The following PPP1R37 variants were observed in gnomAD, a reference collection of about 807,000 sequenced individuals.
The protein encoded by PPP1R37 is protein phosphatase 1 regulatory subunit 37.
In PPP1R37, 21 loss-of-function variants were observed where a neutral mutation model predicts 61.0. The observed-to-expected ratio is 0.34, with a 90% CI of 0.24 to 0.50. PPP1R37 has a LOEUF of 0.50. PPP1R37 is among the 20% of genes least tolerant of loss of function. The pLI is 0.98. For missense variants in PPP1R37, 910 were observed against 952.7 expected (o/e 0.96, Z 0.59); for synonymous variants, 443 against 433.5 (o/e 1.02, Z -0.27).
At chr19:45,113,766 C>A (rs765956111) in intron 1 of PPP1R37, among the ~76,000 whole-genome samples, 1 of 152,212 alleles carries the variant, frequency 6.6e-6, no homozygotes. Context: ...GTTCTCTCCG[C>A]CCCCTCACCA....
chr19:45,143,418 C>T lies in PPP1R37; in HGVS notation c.875-103C>T, dbSNP rs937072575. 5.1e-5 allele frequency: 34 copies of T among 662,394 alleles called. No individual in the cohort carries two copies. In the African/African-American group the frequency reaches 5.6e-4, roughly 11 times the overall value. 41.0% of individuals were successfully genotyped at this position (662,394 alleles called of 1,614,324 possible). A position where few individuals can be genotyped will look rare whatever the true frequency, so the allele number is the denominator to read the frequency against. On this transcript the variant is annotated intron_variant, in intron 7 of 12. Transcript: ENST00000221462. ...AGGGCAAGGCCTGGGACTGCGGGGC[C>T]TCCATGGAGGTCCTAAGCAGAGGGG...
In PPP1R37 at chr19:45,143,613, G is replaced by A. The variant is rs1176661016; in HGVS notation, c.967G>A (p.Ala323Thr). 6.5e-7 allele frequency: 1 copy of A among 1,533,816 alleles called. No individual in the cohort carries two copies. Among genetic ancestry groups the A allele is most frequent in the Non-Finnish European group, 8.7e-7 (1 of 1,144,984 alleles). Residue 323 changes from alanine to threonine, a missense_variant, in exon 8 of 13, where the codon GCC (alanine) becomes ACC (threonine). Physicochemically the swap from Ala to Thr is moderately conservative, Grantham distance 58. This residue lies in a region of PPP1R37 where 280 missense variants were observed against 382.2 expected (regional missense o/e 0.73). Coordinates refer to ENST00000221462, the MANE Select transcript of PPP1R37 (RefSeq NM_019121.2). The stretch of plus-strand genomic sequence containing the variant: ...CAACCAGCTCACGCACACAGGCATG[G>A]CCTTCCTGGGCATGACACTGGTGAG... ...WNNQLTHTGM[A>T]FLGMTLPHTQ...
chr19:45,139,799 G>A (rs991166473), intron 2 of PPP1R37, among the ~76,000 whole-genome samples: 1 of 152,240 alleles, frequency 6.6e-6, no homozygotes, highest in Non-Finnish European at 1.5e-5. Context: ...TGGCATCTGC[G>A]GGACGGTGGG....
At chr19:45,103,809 CAG>C (rs953857914) in intron 1 of PPP1R37, among the ~76,000 whole-genome samples, 2 of 151,768 alleles carry the variant, frequency 1.3e-5, no homozygotes, top group Non-Finnish European at 2.9e-5. Context: ...GAGGAGGAAA[CAG>C]GCTCACAGAG....
At chr19:45,143,995 C>T in intron 8 of PPP1R37, 1 of 164,184 alleles carries the variant, frequency 6.1e-6, no homozygotes. Context: ...GCCCGCCACC[C>T]CGCCTAGCCA....
chr19:45,146,321 G>T, intron 11 of PPP1R37, 69 bp from the exon 12 acceptor site: 1 of 1,424,060 alleles, frequency 7.0e-7, no homozygotes, highest in Non-Finnish European at 9.5e-7. Flanking sequence ...TCTGGCTGGG[G>T]CCGGGCTGGG....
At chr19:45,102,136 C>G (rs771509282) in intron 1 of PPP1R37, among the ~76,000 whole-genome samples, 2 of 152,256 alleles carry the variant, frequency 1.3e-5, no homozygotes, top group Non-Finnish European at 2.9e-5. Context: ...TTCACCTCCA[C>G]AGTCCCTTCA....
At chr19:45,139,150 C>T (rs1320312703) in intron 2 of PPP1R37, among the ~76,000 whole-genome samples, 1 of 152,174 alleles carries the variant, frequency 6.6e-6, no homozygotes, top group African/African-American at 2.4e-5. Flanking sequence ...CTCCTGACCT[C>T]AGGTGATCTG....
At chr19:45,140,878 C>A (rs893756706) in intron 4 of PPP1R37, among the ~76,000 whole-genome samples, 1 of 152,140 alleles carries the variant, frequency 6.6e-6, no homozygotes, top group African/African-American at 2.4e-5. Context: ...CCCCAGGAGC[C>A]CTTTCAGGAA....
intron 1 of PPP1R37, among the ~76,000 whole-genome samples, chr19:45,097,096 C>T (rs753260621): frequency 1.3e-5 from 2 of 151,788 alleles, no homozygotes; most frequent in Non-Finnish European, 2.9e-5. Context: ...GAAGAGGAAT[C>T]GTGGTACAGA....
At chr19:45,105,283 C>T (rs557178717) in intron 1 of PPP1R37, among the ~76,000 whole-genome samples, 6 of 152,238 alleles carry the variant, frequency 3.9e-5, no homozygotes, top group South Asian at 2.1e-4. Flanking sequence ...GGTATCCCCC[C>T]GCCAGCCTGG....
At chr19:45,109,067 C>G (rs546208733) in intron 1 of PPP1R37, 3 of 152,244 alleles carry the variant, frequency 2.0e-5, no homozygotes, top group Admixed American at 6.5e-5. Flanking sequence ...CCACTGCGCC[C>G]GACCTAACCT....
At chr19:45,094,097 G>A (rs2122700927) in intron 1 of PPP1R37, among the ~76,000 whole-genome samples, 1 of 152,356 alleles carries the variant, frequency 6.6e-6, no homozygotes, top group South Asian at 2.1e-4. Flanking sequence ...AAGAGGAGCA[G>A]AGGTGGTGGT....
chr19:45,145,072 A>G, intron 9 of PPP1R37, 22 bp from the exon 10 acceptor site: 1 of 1,526,684 alleles, frequency 6.6e-7, no homozygotes, highest in Non-Finnish European at 8.8e-7. Context: ...GCCCGTGGCC[A>G]GCCCCTGCGG....
chr19:45,096,698 G>A (rs1225437470), intron 1 of PPP1R37, among the ~76,000 whole-genome samples: 2 of 152,136 alleles, frequency 1.3e-5, no homozygotes, highest in Non-Finnish European at 2.9e-5. Context: ...GTAAGGGGTA[G>A]AGTGGGTAAC....
intron 1 of PPP1R37, chr19:45,108,803 G>A (rs141054838): frequency 0.01 from 1,595 of 152,076 alleles, 13 homozygotes; most frequent in Non-Finnish European, 0.017. Flanking sequence ...CACCACACCC[G>A]GCTAATTTTG....
chr19:45,099,928 C>T (rs1168644153), intron 1 of PPP1R37: 2 of 152,246 alleles, frequency 1.3e-5, no homozygotes, highest in Non-Finnish European at 2.9e-5. Flanking sequence ...GAAGCTGGCC[C>T]CCAGCTGGCA....
At chr19:45,132,298 T>C (rs1968487570) in intron 1 of PPP1R37, among the ~76,000 whole-genome samples, 1 of 152,026 alleles carries the variant, frequency 6.6e-6, no homozygotes, top group South Asian at 2.1e-4. Flanking sequence ...AAGGAGCAGT[T>C]ACGTATTTTT....
chr19:45,140,820 T>A (rs927669169), intron 4 of PPP1R37, among the ~76,000 whole-genome samples: 3 of 152,060 alleles, frequency 2.0e-5, no homozygotes, highest in Admixed American at 2.0e-4. Flanking sequence ...CCCACCCTCA[T>A]AAGCAAGGAG....
Sources: allele counts gnomAD v4.1 joint callset (sites outside exome capture counted in the v4.1 genomes callset), GRCh38; gene constraint gnomAD v4.1.1; regional missense constraint gnomAD v4.1.1; transcripts MANE v1.5; gene names NCBI Gene and HGNC (gene_info 2026-07-23, HGNC 2026-07-21).